CHD9: variants seen among roughly 807,000 people sequenced by gnomAD.
The protein encoded by CHD9 is chromodomain helicase DNA binding protein 9, also known as ATP-dependent chromatin remodeler CHD9.
CHD9 carries 77 observed loss-of-function variants against 316.1 expected under a neutral mutation model. That is an observed-to-expected ratio of 0.24 (90% confidence interval 0.20 to 0.29). The LOEUF (loss-of-function observed/expected upper bound fraction) is 0.29. Ranked by LOEUF, CHD9 falls within the 10% of genes least tolerant of loss-of-function variation. CHD9 has a pLI of 1.00. For synonymous variants in CHD9, 1,129 were observed against 1,158.3 expected (o/e 0.97, Z 0.51); for missense variants, 2,763 against 3,438.1 (o/e 0.80, Z 4.91).
intron 29 of CHD9, among the ~76,000 whole-genome samples, chr16:53,296,092 C>T (rs1295648217): frequency 1.3e-5 from 2 of 152,190 alleles, no homozygotes; most frequent in Admixed American, 1.3e-4. Context: ...CTTTCCCTAA[C>T]CTTAGCCTCG....
At chr16:53,183,754 A>AAATACAATACAATAC (rs147690581) in intron 2 of CHD9, among the ~76,000 whole-genome samples, 4 of 151,268 alleles carry the variant, frequency 2.6e-5, no homozygotes, top group South Asian at 4.2e-4. Context: ...TCTGTACAAA[A>AAATACAATACAATAC]AATACAATAC....
At chr16:53,149,214 A>G (rs2040886198) in intron 1 of CHD9, among the ~76,000 whole-genome samples, 1 of 152,146 alleles carries the variant, frequency 6.6e-6, no homozygotes, top group Non-Finnish European at 1.5e-5. Context: ...TGCACTCCGG[A>G]AGAATGTATA....
chr16:53,234,821 AAAAC>A, intron 10 of CHD9, among the ~76,000 whole-genome samples: 2 of 152,194 alleles, frequency 1.3e-5, no homozygotes, highest in Admixed American at 1.3e-4. Context: ...GTTAAAAAAA[AAAAC>A]AAAACCTACT....
At chr16:53,215,945 TG>T (rs1320803985) in intron 3 of CHD9, among the ~76,000 whole-genome samples, 6 of 152,240 alleles carry the variant, frequency 3.9e-5, no homozygotes, top group African/African-American at 1.4e-4. Flanking sequence ...AATTGCCCTT[TG>T]CTGTCAGAAA....
intron 3 of CHD9, among the ~76,000 whole-genome samples, chr16:53,216,775 G>A (rs1243444154): frequency 4.6e-5 from 7 of 152,182 alleles, no homozygotes; most frequent in South Asian, 2.1e-4. Context: ...TAGAGCACCA[G>A]AACTCTTAGG....
intron 1 of CHD9, among the ~76,000 whole-genome samples, chr16:53,140,896 A>G (rs977415564): frequency 1.3e-5 from 2 of 152,312 alleles, no homozygotes; most frequent in South Asian, 4.1e-4. Context: ...GTGACATGCA[A>G]AGCAAGACTA....
rs1431480350 is a variant in CHD9, at chr16:53,303,893, T to A, written c.5887T>A (p.Cys1963Ser). The A allele has an allele frequency of 1.9e-6, 3 of 1,613,920 alleles. No homozygotes were observed. The highest frequency in any genetic ancestry group is 2.5e-6 in the Non-Finnish European group (3 of 1,179,898). The part of the protein sequence containing the change: ...PNPDLPVWWE[C>S]GPHDRDLLIG... ...TCCAGATTTACCAGTCTGGTGGGAA[T>A]GTGGCCCTCATGATAGGGATTTGCT... Residue 1963 changes from cysteine to serine, a missense_variant, in exon 31 of 39, where the codon TGT (cysteine) becomes AGT (serine). Cys to Ser is a moderately radical substitution (Grantham distance 112). Around this residue, in one of 15 missense-constraint regions of CHD9, gnomAD observed 663 missense variants for 751.2 expected, o/e 0.88. Coordinates refer to ENST00000447540, the MANE Select transcript of CHD9 (RefSeq NM_001308319.2).
intron 1 of CHD9, among the ~76,000 whole-genome samples, chr16:53,124,571 T>C (rs2038889587): frequency 6.7e-6 from 1 of 148,364 alleles, no homozygotes; most frequent in Non-Finnish European, 1.5e-5. Flanking sequence ...CTCTGCCTCC[T>C]GGTTTCAAGC....
At chr16:53,062,674 C>T (rs1441626155) in intron 1 of CHD9, among the ~76,000 whole-genome samples, 1 of 152,042 alleles carries the variant, frequency 6.6e-6, no homozygotes. Flanking sequence ...CCCAGGAGTT[C>T]GAGGTTACAG....
intron 7 of CHD9, among the ~76,000 whole-genome samples, chr16:53,228,344 A>T (rs1344005571): frequency 7.2e-6 from 1 of 138,888 alleles, no homozygotes; most frequent in Non-Finnish European, 1.6e-5. Flanking sequence ...CCATCTCTTT[A>T]AAAAAAAAAG....
At chr16:53,233,750 A>G (rs1296784712) in intron 10 of CHD9, among the ~76,000 whole-genome samples, 1 of 152,228 alleles carries the variant, frequency 6.6e-6, no homozygotes, top group Non-Finnish European at 1.5e-5. Flanking sequence ...GGGGAACCCA[A>G]GGATATCAGG....
At chr16:53,105,589 T>C (rs2037279625) in intron 1 of CHD9, among the ~76,000 whole-genome samples, 1 of 152,218 alleles carries the variant, frequency 6.6e-6, no homozygotes, top group Non-Finnish European at 1.5e-5. Flanking sequence ...CGCCAGTGAA[T>C]AACCTTTTAT....
intron 1 of CHD9, among the ~76,000 whole-genome samples, chr16:53,132,120 G>C (rs1262172937): frequency 6.6e-6 from 1 of 151,650 alleles, no homozygotes; most frequent in Non-Finnish European, 1.5e-5. Flanking sequence ...GGGGTGGTTT[G>C]CTTTTTTTTC....
intron 36 of CHD9, among the ~76,000 whole-genome samples, chr16:53,315,979 T>C (rs1340095002): frequency 6.6e-6 from 1 of 152,144 alleles, no homozygotes; most frequent in Non-Finnish European, 1.5e-5. Context: ...TGATGGCTCA[T>C]GCCCGTAATC....
At chr16:53,068,947 A>G (rs145305489) in intron 1 of CHD9, among the ~76,000 whole-genome samples, 1 of 152,236 alleles carries the variant, frequency 6.6e-6, no homozygotes, top group African/African-American at 2.4e-5. Context: ...TAAAATACAC[A>G]TGACATTGAA....
intron 15 of CHD9, among the ~76,000 whole-genome samples, chr16:53,246,097 A>G (rs1287658141): frequency 6.6e-6 from 1 of 152,160 alleles, no homozygotes; most frequent in African/African-American, 2.4e-5. Flanking sequence ...CCTCTTGTTT[A>G]ATCCTCCTCA....
At chr16:53,301,707 C>CA (rs1044019115) in intron 30 of CHD9, among the ~76,000 whole-genome samples, 1 of 150,636 alleles carries the variant, frequency 6.6e-6, no homozygotes, top group Non-Finnish European at 1.5e-5. Flanking sequence ...CAGAAGAGTA[C>CA]AAAAAATGTA....
chr16:53,218,152 A>G (rs1426982304), intron 3 of CHD9, among the ~76,000 whole-genome samples: 1 of 152,100 alleles, frequency 6.6e-6, no homozygotes, highest in African/African-American at 2.4e-5. Flanking sequence ...GAAATACTAT[A>G]TATCTGAAAT....
intron 1 of CHD9, among the ~76,000 whole-genome samples, chr16:53,146,834 C>CA (rs1332657149): frequency 1.3e-5 from 2 of 150,194 alleles, no homozygotes; most frequent in African/African-American, 4.9e-5. Flanking sequence ...ACTTTTGTTA[C>CA]ACGTATTTTA....
Sources: allele counts gnomAD v4.1 joint callset (sites outside exome capture counted in the v4.1 genomes callset), GRCh38; gene constraint gnomAD v4.1.1; regional missense constraint gnomAD v4.1.1; transcripts MANE v1.5; gene names NCBI Gene and HGNC (gene_info 2026-07-23, HGNC 2026-07-21).